The following CASK variants were observed in gnomAD, a reference collection of about 807,000 sequenced individuals.
CASK encodes the protein peripheral plasma membrane protein CASK.
A neutral mutation model predicts 82.9 loss-of-function variants in CASK; 4 were observed. The ratio of observed to expected loss-of-function variants is 0.05; its 90% CI spans 0.02 to 0.11. The LOEUF is 0.11. Among genes scored for constraint, CASK ranks in the 10% least tolerant of loss-of-function variants. The pLI is 1.00. For missense variants in CASK, 358 were observed against 720.9 expected, an observed-to-expected ratio of 0.50 and a Z score of 5.76; for synonymous variants, 259 against 253.5, an observed-to-expected ratio of 1.02 and a Z score of -0.20.
At chrX:41,544,146 ATCT>A (rs748855594) in intron 21 of CASK, among the ~76,000 whole-genome samples, 52 of 112,645 alleles carry the variant, frequency 4.6e-4, no homozygotes, top group Admixed American at 4.3e-3. Context: ...TGTTGCAGAT[ATCT>A]TCTTCTACTC....
chrX:41,860,082 C>T lies in CASK; in HGVS notation c.60-6855G>A, dbSNP rs189287331. ...TATTAAAATATAAACTTAATGAGTA[C>T]CCAGTACACATTAGGCCCTCAAAAA... On this transcript the variant is annotated intron_variant, in intron 1 of 26. Coordinates refer to ENST00000378163, the MANE Select transcript of CASK (RefSeq NM_001367721.1). Among the ~76,000 whole-genome samples the T allele has an allele frequency of 6.3e-5, 7 of 110,324 alleles. No individual in the cohort carries two copies. In the Admixed American group the frequency reaches 6.8e-4, roughly 11 times the overall value.
At chrX:41,533,368 C>T (rs186504479) in intron 24 of CASK, among the ~76,000 whole-genome samples, 126 of 112,358 alleles carry the variant, frequency 1.1e-3, no homozygotes, top group Non-Finnish European at 1.3e-4. Flanking sequence ...TAAAAGAACA[C>T]TTCAAAGTGT....
intron 2 of CASK, among the ~76,000 whole-genome samples, chrX:41,803,207 T>C (rs988232245): frequency 9.0e-6 from 1 of 111,292 alleles, no homozygotes; most frequent in Admixed American, 9.6e-5. Context: ...ATGAATGTGA[T>C]AAATTATCCA....
At chrX:41,760,056 T>C (rs1334101126) in intron 3 of CASK, among the ~76,000 whole-genome samples, 1 of 112,037 alleles carries the variant, frequency 8.9e-6, no homozygotes, top group African/African-American at 3.2e-5. Flanking sequence ...GGATAGCAAA[T>C]AATTCTAAGA....
intron 10 of CASK, among the ~76,000 whole-genome samples, chrX:41,624,522 T>C (rs1185449668): frequency 8.9e-6 from 1 of 112,306 alleles, no homozygotes; most frequent in Non-Finnish European, 1.9e-5. Flanking sequence ...AAGTTGATCT[T>C]GTCATTTTAA....
At position 41,755,540 on chromosome X, in the gene CASK, T is replaced by A. The variant is rs772856679; in HGVS notation, c.279-9939A>T. On this transcript the variant is annotated intron_variant, in intron 3 of 26. Coordinates refer to ENST00000378163, the MANE Select transcript of CASK (RefSeq NM_001367721.1). The stretch of plus-strand genomic sequence containing the variant: ...ACACTTAAAACTATGTATTTGTGAT[T>A]AAAAAACTTAAAAAACTCTTAGATC... Among the ~76,000 whole-genome samples, 215 of 111,939 alleles carry A rather than the reference T, an allele frequency of 1.9e-3. 1 individual carries two copies. Among genetic ancestry groups the A allele is most frequent in the African/African-American group, 6.7e-3 (206 of 30,855 alleles).
chrX:41,706,644 T>C (rs1036658760), intron 5 of CASK, among the ~76,000 whole-genome samples: 2 of 112,014 alleles, frequency 1.8e-5, no homozygotes, highest in Non-Finnish European at 3.8e-5. Flanking sequence ...ATATTATATA[T>C]ACATATACAC....
intron 8 of CASK, among the ~76,000 whole-genome samples, chrX:41,645,376 C>T (rs953362266): frequency 9.0e-6 from 1 of 111,269 alleles, no homozygotes; most frequent in South Asian, 3.8e-4. Flanking sequence ...GGAAAAACTC[C>T]CAAACCAATA....
chrX:41,755,235 A>G (rs2068871562), intron 3 of CASK, among the ~76,000 whole-genome samples: 1 of 111,985 alleles, frequency 8.9e-6, no homozygotes. Context: ...AAAAGCAGGA[A>G]TAGTTTCCAA....
chrX:41,781,506 T>G (rs1805387305), intron 3 of CASK, among the ~76,000 whole-genome samples: 1 of 112,264 alleles, frequency 8.9e-6, no homozygotes, highest in Admixed American at 9.5e-5. Context: ...TTTTTGCCTT[T>G]CATTGTCTAC....
intron 2 of CASK, among the ~76,000 whole-genome samples, chrX:41,842,569 G>GA (rs375808137): frequency 0.089 from 8,354 of 94,071 alleles, 323 homozygotes; most frequent in Middle Eastern, 0.2. Flanking sequence ...CTGTCTCCAG[G>GA]AAAAAAAAAA....
chrX:41,690,513 AT>A (rs775363462), intron 5 of CASK, among the ~76,000 whole-genome samples: 1,725 of 91,497 alleles, frequency 0.019, 33 homozygotes, highest in East Asian at 0.053. Flanking sequence ...CGCCCTGCTA[AT>A]TTTTTTTTTT....
chrX:41,812,950 GACAA>G (rs1383322668), intron 2 of CASK, among the ~76,000 whole-genome samples: 7 of 111,491 alleles, frequency 6.3e-5, no homozygotes, highest in African/African-American at 2.0e-4. Flanking sequence ...ACCAATAACA[GACAA>G]ACAGAGAGCC....
chrX:41,854,224 G>GCGCACA (rs1367817089), intron 1 of CASK, among the ~76,000 whole-genome samples: 1,533 of 81,582 alleles, frequency 0.019, 27 homozygotes, highest in East Asian at 0.035. Flanking sequence ...GCGGGCGCGC[G>GCGCACA]CACACACACA....
intron 11 of CASK, among the ~76,000 whole-genome samples, chrX:41,621,406 CT>C (rs1210382002): frequency 8.9e-6 from 1 of 112,151 alleles, no homozygotes; most frequent in Non-Finnish European, 1.9e-5. Flanking sequence ...TTTTGCCCCC[CT>C]CTTTTATCTT....
At chrX:41,770,724 A>G (rs1244579167) in intron 3 of CASK, among the ~76,000 whole-genome samples, 1 of 111,643 alleles carries the variant, frequency 9.0e-6, no homozygotes, top group Non-Finnish European at 1.9e-5. Flanking sequence ...AAGGAAATAG[A>G]AACATAAAAC....
intron 21 of CASK, among the ~76,000 whole-genome samples, chrX:41,549,801 C>T (rs933930116): frequency 2.7e-5 from 3 of 109,397 alleles, no homozygotes; most frequent in South Asian, 4.0e-4. Context: ...GATTGCACCA[C>T]GGCACTCCAG....
At position 41,520,424 on chromosome X, in the gene CASK, T is replaced by C. The variant is rs748918088; in HGVS notation, c.2777A>G (p.Tyr926Cys). 1.7e-6 allele frequency: 2 copies of C among 1,205,369 alleles called. No individual in the cohort carries two copies. The highest frequency in any genetic ancestry group is 2.2e-6 in the Non-Finnish European group (2 of 890,543). The change falls in exon 27 of 27, where the codon TAT becomes TGT. Residue 926 changes from tyrosine (Y) to cysteine (C), a missense_variant. Tyr to Cys is a radical substitution (Grantham distance 194, BLOSUM62 -2). This residue lies in a region of CASK where 118 missense variants were observed against 169.4 expected (regional missense o/e 0.70). Transcript: ENST00000378163. The stretch of plus-strand genomic sequence containing the variant: ...CTCAGATATCTGGGGAGAGGCCTAA[T>C]AGACCCAGGAGACAGGGACCCACTG... ...APQWVPVSWV[Y>C]
chrX:41,631,419 C>T (rs952916132), intron 9 of CASK, among the ~76,000 whole-genome samples: 4 of 111,015 alleles, frequency 3.6e-5, no homozygotes, highest in Non-Finnish European at 7.6e-5. Flanking sequence ...AGAGTGAGAC[C>T]CTGTCTCAAT....
Sources: allele counts gnomAD v4.1 joint callset (sites outside exome capture counted in the v4.1 genomes callset), GRCh38; gene constraint gnomAD v4.1.1; regional missense constraint gnomAD v4.1.1; transcripts MANE v1.5; gene names NCBI Gene and HGNC (gene_info 2026-07-23, HGNC 2026-07-21).